Variants in KCNN1 observed in about 807,000 individuals in gnomAD.
The protein encoded by KCNN1 is potassium calcium-activated channel subfamily N member 1, also known as small conductance calcium-activated potassium channel protein 1.
In KCNN1, 20 loss-of-function variants were observed where a neutral mutation model predicts 44.7. That is an observed-to-expected ratio of 0.45 (90% CI 0.32 to 0.65). KCNN1 has a LOEUF of 0.65. Ranked by LOEUF, KCNN1 falls within the 30% of genes least tolerant of loss-of-function variation. The probability of loss-of-function intolerance (pLI) is 0.05; values close to 1 mark genes in which losing one functional copy is unlikely to be tolerated. For synonymous variants in KCNN1, 324 were observed against 341.7 expected, an observed-to-expected ratio of 0.95 and a Z score of 0.57; for missense variants, 632 against 785.3, an observed-to-expected ratio of 0.80 and a Z score of 2.33.
chr19:17,953,486 C>A (rs2031468915), intron 1 of KCNN1, among the ~76,000 whole-genome samples: 1 of 152,140 alleles, frequency 6.6e-6, no homozygotes, highest in African/African-American at 2.4e-5. Context: ...TCTGGCATTG[C>A]CCCTGCCCTC....
chr19:17,952,949 T>C, intron 1 of KCNN1, among the ~76,000 whole-genome samples: 1 of 152,092 alleles, frequency 6.6e-6, no homozygotes, highest in East Asian at 1.9e-4. Context: ...TCTGGTCAGA[T>C]CCACGAATCC....
chr19:17,967,072 C>T (rs2145912601), upstream of KCNN1: 3 of 973,448 alleles, frequency 3.1e-6, no homozygotes, highest in South Asian at 4.7e-5. Flanking sequence ...CGGCGGCTCC[C>T]GCGTCGCACC....
At position 17,974,162 on chromosome 19, in the gene KCNN1, C is replaced by A; in HGVS notation, c.274C>A (p.Arg92Ser). ...ASGKPSNVGH[R>S]LGHRRALFEK... ...GGGGAAACCCTCAAATGTGGGCCAC[C>A]GCCTGGGCCACCGGCGGGCGCTCTT... The change falls in exon 2 of 10, where the codon CGC becomes AGC. Residue 92 changes from arginine to serine, a missense_variant. Physicochemically the swap from Arg to Ser is moderately radical, Grantham distance 110 (BLOSUM62 -1). Around this residue, in one of 3 missense-constraint regions of KCNN1, gnomAD observed 235 missense variants for 224.0 expected, o/e 1.05. Transcript: ENST00000684775. The surrounding 1 kb of genome is among the most constrained non-coding windows in gnomAD (Gnocchi z 7.3). 1 of 1,613,612 alleles carries A rather than the reference C, an allele frequency of 6.2e-7. No homozygotes were observed. The highest frequency in any genetic ancestry group is 8.5e-7 in the Non-Finnish European group (1 of 1,179,870).
At chr19:17,968,418 G>A (rs537960961) in intron 1 of KCNN1, among the ~76,000 whole-genome samples, 1 of 151,740 alleles carries the variant, frequency 6.6e-6, no homozygotes, top group African/African-American at 2.4e-5. Flanking sequence ...CCCTCGTAGT[G>A]GGGGGGTGGG....
intron 3 of KCNN1, among the ~76,000 whole-genome samples, chr19:17,979,774 C>T (rs1315169875): frequency 6.6e-6 from 1 of 151,866 alleles, no homozygotes; most frequent in African/African-American, 2.4e-5. Flanking sequence ...AACGCGCGGC[C>T]GCCACATTTT....
intron 5 of KCNN1, among the ~76,000 whole-genome samples, chr19:17,986,649 G>T (rs1417846734): frequency 1.3e-5 from 2 of 152,096 alleles, no homozygotes; most frequent in African/African-American, 4.8e-5. Flanking sequence ...GCCAACAAAC[G>T]CTTTTCCATG....
At chr19:17,969,546 TCCTCCCCACCC>T (rs1369534844) in intron 1 of KCNN1, among the ~76,000 whole-genome samples, 1 of 146,130 alleles carries the variant, frequency 6.8e-6, no homozygotes, top group Non-Finnish European at 1.5e-5. Flanking sequence ...ATTTCTCTCC[TCCTCCCCACCC>T]CCTCCCTGCC....
chr19:17,955,562 CAAA>C (rs58125650), intron 2 of KCNN1, among the ~76,000 whole-genome samples: 1 of 54,230 alleles, frequency 1.8e-5, no homozygotes. Flanking sequence ...ACTCCATCTC[CAAA>C]AAAAAAAAAA....
rs1309984557 is a variant in KCNN1, at chr19:17,974,104, T to G, written c.216T>G (p.Asp72Glu). The change falls in exon 2 of 10, where the codon GAT becomes GAG. Residue 72 changes from aspartate (D) to glutamate (E), a missense_variant. By Grantham distance (45) the Asp-to-Glu change is conservative. This residue lies in a region of KCNN1 where 235 missense variants were observed against 224.0 expected (regional missense o/e 1.05). Transcript: ENST00000684775. The surrounding 1 kb of genome is among the most constrained non-coding windows in gnomAD (Gnocchi z 7.3). The stretch of plus-strand genomic sequence containing the variant: ...AGGACCAGGACGATGACGAGGATGA[T>G]GAGGAAGATGAGGCCGGCAGGCAGA... ...QPQDQDDDED[D>E]EEDEAGRQRA... is the part of the protein sequence containing the mutation. The G allele has an allele frequency of 6.2e-7, 1 of 1,612,166 alleles. No individual in the cohort carries two copies. Among genetic ancestry groups the G allele is most frequent in the South Asian group, 1.1e-5 (1 of 91,068 alleles).
chr19:17,990,634 A>G (rs1484783724), intron 7 of KCNN1, among the ~76,000 whole-genome samples: 1 of 151,450 alleles, frequency 6.6e-6, no homozygotes, highest in Non-Finnish European at 1.5e-5. Context: ...CCTCGTCTCT[A>G]CTAAAAATAC....
In KCNN1 at chr19:17,993,602, G is replaced by A. The variant is rs758399216; in HGVS notation, c.1377+43G>A. 1 of 1,558,332 alleles carries A rather than the reference G, an allele frequency of 6.4e-7. No homozygotes were observed. The highest frequency in any genetic ancestry group is 1.4e-5 in the African/African-American group (1 of 73,882). ...GGGTGGGCCAGACAGGGCAGGTGGGGCCCCGGAGCAGATGGGATGGGGCTC... is the reference window on the plus strand; with the variant it reads ...GGGTGGGCCAGACAGGGCAGGTGGGACCCCGGAGCAGATGGGATGGGGCTC... On this transcript the variant is annotated intron_variant, in intron 9 of 9. Transcript: ENST00000684775. This position sits in a 1 kb window ranked among gnomAD's most constrained non-coding sequence, Gnocchi z 4.5.
chr19:17,985,568 A>G, intron 5 of KCNN1, 115 bp downstream of exon 5: 1 of 927,174 alleles, frequency 1.1e-6, no homozygotes, highest in Non-Finnish European at 1.5e-6. Flanking sequence ...GCTGTGCCTG[A>G]TCAGCGTCCC....
At chr19:17,961,134 C>T (rs6512239) in intron 2 of KCNN1, among the ~76,000 whole-genome samples, 31,542 of 144,946 alleles carry the variant, frequency 0.22, 3,599 homozygotes, top group East Asian at 0.38. Context: ...TGCAGTGAGC[C>T]GAGATCACAC....
chr19:17,970,901 T>A (rs2031996762), intron 1 of KCNN1, among the ~76,000 whole-genome samples: 1 of 150,248 alleles, frequency 6.7e-6, no homozygotes, highest in South Asian at 2.1e-4. Context: ...TTTTTTTTTT[T>A]GAGACAGAGT....
chr19:17,973,777 G>C (rs1291162997), intron 1 of KCNN1, 31 bp from the exon 2 acceptor site: 1 of 1,476,630 alleles, frequency 6.8e-7, no homozygotes, highest in African/African-American at 1.4e-5. Flanking sequence ...GCTGGACCCT[G>C]CTGTGACCAT....
At chr19:17,982,315 G>A (rs2032446398) in intron 4 of KCNN1, among the ~76,000 whole-genome samples, 188 bp downstream of exon 4, 1 of 152,024 alleles carries the variant, frequency 6.6e-6, no homozygotes, top group South Asian at 2.1e-4. Context: ...ATCCTCCCTG[G>A]GGACCTAACC....
chr19:17,975,296 GGCTTCT>G, intron 3 of KCNN1, 109 bp downstream of exon 3: 1 of 710,198 alleles, frequency 1.4e-6, no homozygotes, highest in Admixed American at 2.7e-5. Flanking sequence ...ATGTATAATT[GGCTTCT>G]GATAGAAAAA....
At chr19:17,996,554 C>T (rs961868809) in intron 9 of KCNN1, among the ~76,000 whole-genome samples, 4 of 152,040 alleles carry the variant, frequency 2.6e-5, no homozygotes, top group South Asian at 2.1e-4. Flanking sequence ...TGCAGTGAGC[C>T]GAGATCATGC....
At chr19:17,976,173 A>G (rs1311592631) in intron 3 of KCNN1, among the ~76,000 whole-genome samples, 1 of 151,900 alleles carries the variant, frequency 6.6e-6, no homozygotes, top group East Asian at 2.0e-4. Context: ...CAGGCATGAT[A>G]TCGGGTGCAC....
Sources: allele counts gnomAD v4.1 joint callset (sites outside exome capture counted in the v4.1 genomes callset), GRCh38; gene constraint gnomAD v4.1.1; regional missense constraint gnomAD v4.1.1; non-coding constraint Gnocchi (gnomAD v3.1); transcripts MANE v1.5; gene names NCBI Gene and HGNC (gene_info 2026-07-23, HGNC 2026-07-21).